The following ELF2 variants were observed in gnomAD, a reference collection of about 807,000 sequenced individuals.
ELF2 encodes E74 like ETS transcription factor 2.
Under a neutral mutation model 54.8 loss-of-function variants are expected in ELF2, and 11 were observed. That is an observed-to-expected ratio of 0.20 (90% CI 0.13 to 0.33). The LOEUF is 0.33. Among genes scored for constraint, ELF2 ranks in the 10% least tolerant of loss-of-function variants. The pLI is 1.00. For missense variants in ELF2, 513 were observed against 703.0 expected, an observed-to-expected ratio of 0.73 and a Z score of 3.06; for synonymous variants, 203 against 245.1, an observed-to-expected ratio of 0.83 and a Z score of 1.61.
At chr4:139,134,690 T>C (rs1367442561) in intron 3 of ELF2, among the ~76,000 whole-genome samples, 1 of 151,204 alleles carries the variant, frequency 6.6e-6, no homozygotes. Flanking sequence ...CTTGAAGTCC[T>C]GAGCTCAAGA....
At chr4:139,145,489 A>C (rs1739134441) in intron 1 of ELF2, among the ~76,000 whole-genome samples, 3 of 152,184 alleles carry the variant, frequency 2.0e-5, no homozygotes, top group Admixed American at 2.0e-4. Context: ...CTCCTAGGGC[A>C]AGGGGGACAG....
intron 3 of ELF2, among the ~76,000 whole-genome samples, chr4:139,128,278 A>T (rs866933263): frequency 1.2e-4 from 1 of 8,520 alleles, no homozygotes; most frequent in South Asian, 6.8e-3. Context: ...TCAAAAATTA[A>T]AAAAAAAAAG....
intron 3 of ELF2, among the ~76,000 whole-genome samples, chr4:139,134,714 T>TAGTCTCCCCA (rs892158158): frequency 6.6e-6 from 1 of 151,456 alleles, no homozygotes; most frequent in Non-Finnish European, 1.5e-5. Context: ...CCACCTGCCT[T>TAGTCTCCCCA]AGTCTCCCCA....
chr4:139,065,023 CTTTT>C (rs970033122), intron 7 of ELF2, among the ~76,000 whole-genome samples: 5 of 151,894 alleles, frequency 3.3e-5, no homozygotes, highest in Admixed American at 3.3e-4. Flanking sequence ...CAGTTATTTT[CTTTT>C]TTTTGCATTT....
intron 1 of ELF2, among the ~76,000 whole-genome samples, chr4:139,169,175 C>A (rs992378881): frequency 6.6e-6 from 1 of 151,524 alleles, no homozygotes; most frequent in East Asian, 2.0e-4. Flanking sequence ...TGGTGAAACC[C>A]CATTCCTACT....
rs147389168 is a variant in ELF2 at position 139,175,066 on chromosome 4, A to G, written c.-252+1901T>C. Among the ~76,000 whole-genome samples, 280 of 152,356 alleles carry G rather than the reference A, an allele frequency of 1.8e-3. 1 individual carries two copies. Among genetic ancestry groups the G allele is most frequent in the African/African-American group, 6.1e-3 (255 of 41,586 alleles). ...CTGCAAAATGGAGTAATTTTTTAAA[A>G]AATTAATAAACCCACCAAACTGTAC... is the stretch of plus-strand genomic sequence containing the variant. On this transcript the variant is annotated intron_variant, in intron 1 of 9. Coordinates refer to ENST00000686138, the MANE Select transcript of ELF2 (RefSeq NM_001331036.3).
intron 4 of ELF2, among the ~76,000 whole-genome samples, chr4:139,075,881 A>C (rs190072210): frequency 6.6e-6 from 1 of 152,244 alleles, no homozygotes; most frequent in Non-Finnish European, 1.5e-5. Context: ...GTTCTGAAAC[A>C]TGAATATTTA....
chr4:139,170,379 T>C (rs995334371), intron 1 of ELF2, among the ~76,000 whole-genome samples: 1 of 148,396 alleles, frequency 6.7e-6, no homozygotes, highest in Non-Finnish European at 1.5e-5. Context: ...ATTCTCTGTC[T>C]CAGCCTCCTA....
Position 139,073,565 on chromosome 4 carries a change from C to G in ELF2, c.241G>C (p.Glu81Gln). The change falls in exon 5 of 10, where the codon GAA becomes CAA. Residue 81 changes from glutamate (E) to glutamine (Q), a missense_variant and splice_region_variant. This residue lies in a region of ELF2 where 203 missense variants were observed against 245.9 expected (regional missense o/e 0.83). Coordinates refer to ENST00000686138, the MANE Select transcript of ELF2 (RefSeq NM_001331036.3). The part of the protein sequence containing the change: ...EVETENVETV[E>Q]ASVHSSNAHC... ...GCATTACTGCTGTGAACTGATGCTT[C>G]CACTGGAGGAAAAATAAGTTCTACT... 1 of 1,514,580 alleles carries G rather than the reference C, an allele frequency of 6.6e-7. No homozygotes were observed. 93.8% of individuals were successfully genotyped at this position (1,514,580 alleles called of 1,614,324 possible). A position where few individuals can be genotyped will look rare whatever the true frequency, so the allele number is the denominator to read the frequency against.
chr4:139,124,040 T>C (rs1736661332), intron 4 of ELF2, among the ~76,000 whole-genome samples: 1 of 151,756 alleles, frequency 6.6e-6, no homozygotes, highest in African/African-American at 2.4e-5. Flanking sequence ...CTTGGATGCC[T>C]GGTTTTTTGT....
At chr4:139,109,257 C>T (rs556101466) in intron 4 of ELF2, among the ~76,000 whole-genome samples, 29 of 152,226 alleles carry the variant, frequency 1.9e-4, no homozygotes, top group African/African-American at 4.8e-4. Flanking sequence ...GTACTCCTAA[C>T]CCACAGTATT....
intron 3 of ELF2, among the ~76,000 whole-genome samples, chr4:139,135,899 C>T (rs1000616224): frequency 4.6e-5 from 7 of 152,216 alleles, no homozygotes; most frequent in African/African-American, 1.7e-4. Flanking sequence ...TGGCCGTGAA[C>T]ACTGAAGTTC....
intron 3 of ELF2, among the ~76,000 whole-genome samples, chr4:139,125,779 CAAAAA>C (rs367767700): frequency 3.2e-4 from 31 of 96,514 alleles, no homozygotes; most frequent in East Asian, 3.9e-4. Context: ...AGTCTGGCAG[CAAAAA>C]AAAAAAAAAA....
At chr4:139,094,545 C>T (rs912407788) in intron 4 of ELF2, among the ~76,000 whole-genome samples, 2 of 152,014 alleles carry the variant, frequency 1.3e-5, no homozygotes, top group African/African-American at 4.8e-5. Flanking sequence ...AAGATATATA[C>T]AAAGCAACAT....
chr4:139,098,073 T>C (rs1289829181), intron 4 of ELF2, among the ~76,000 whole-genome samples: 1 of 152,230 alleles, frequency 6.6e-6, no homozygotes, highest in Non-Finnish European at 1.5e-5. Context: ...GGTTAAAAAC[T>C]GACATACATA....
At chr4:139,129,594 C>A (rs1156931803) in intron 3 of ELF2, among the ~76,000 whole-genome samples, 3 of 152,152 alleles carry the variant, frequency 2.0e-5, no homozygotes, top group Non-Finnish European at 4.4e-5. Flanking sequence ...ATCTTGGTTT[C>A]TTCATATTTA....
At chr4:139,079,946 C>A (rs1307102052) in intron 4 of ELF2, among the ~76,000 whole-genome samples, 2 of 152,158 alleles carry the variant, frequency 1.3e-5, no homozygotes, top group African/African-American at 4.8e-5. Context: ...AATTATGATT[C>A]TGTAAGTAAA....
intron 4 of ELF2, among the ~76,000 whole-genome samples, chr4:139,103,610 C>G (rs1456946543): frequency 6.6e-6 from 1 of 152,258 alleles, no homozygotes; most frequent in Non-Finnish European, 1.5e-5. Flanking sequence ...ACTTCACGCC[C>G]TATGCATTTC....
intron 4 of ELF2, among the ~76,000 whole-genome samples, chr4:139,080,943 G>GGA (rs1731022390): frequency 9.4e-6 from 1 of 106,908 alleles, no homozygotes; most frequent in African/African-American, 3.4e-5. Flanking sequence ...TGTAATATTA[G>GGA]AAAAAAAAAA....
Sources: gnomAD v4.1 joint callset for allele counts (sites outside exome capture counted in the v4.1 genomes callset) on GRCh38, gnomAD v4.1.1 for gene constraint, gnomAD v4.1.1 regional missense constraint, MANE v1.5 for transcripts, NCBI Gene and HGNC (gene_info 2026-07-23, HGNC 2026-07-21) for gene names.